The following VRK2 variants were observed in gnomAD, a reference collection of about 807,000 sequenced individuals.
The protein encoded by VRK2 is VRK serine/threonine kinase 2.
Under a neutral mutation model 57.6 loss-of-function variants are expected in VRK2, and 60 were observed. The ratio of observed to expected loss-of-function variants is 1.04; its 90% CI spans 0.85 to 1.29. The LOEUF (loss-of-function observed/expected upper bound fraction) is 1.29, where lower values mean the gene tolerates loss of function less well. VRK2 is among the 50% of genes most tolerant of loss of function. The probability of loss-of-function intolerance (pLI) is 0.00; values close to 1 mark genes in which losing one functional copy is unlikely to be tolerated. For synonymous variants in VRK2, 231 were observed against 199.2 expected, an observed-to-expected ratio of 1.16 and a Z score of -1.35; for missense variants, 705 against 588.1, an observed-to-expected ratio of 1.20 and a Z score of -2.06.
chr2:58,114,746 G>A (rs1230245517), intron 7 of VRK2, among the ~76,000 whole-genome samples: 2 of 151,966 alleles, frequency 1.3e-5, no homozygotes, highest in African/African-American at 4.9e-5. Context: ...AATAAAGGCT[G>A]GTCTGTTATC....
chr2:58,002,224 T>C (rs1673111486), intron 1 of VRK2, among the ~76,000 whole-genome samples: 1 of 152,230 alleles, frequency 6.6e-6, no homozygotes, highest in African/African-American at 2.4e-5. Flanking sequence ...TTCACGCCTG[T>C]AATCCCAGCA....
At chr2:57,994,278 T>C (rs1572754394) in intron 1 of VRK2, among the ~76,000 whole-genome samples, 1 of 152,174 alleles carries the variant, frequency 6.6e-6, no homozygotes, top group Non-Finnish European at 1.5e-5. Flanking sequence ...CCTTTACTAA[T>C]GGAGAGGGAA....
At chr2:58,013,593 C>A (rs187093409) in intron 1 of VRK2, among the ~76,000 whole-genome samples, 55 of 152,158 alleles carry the variant, frequency 3.6e-4, no homozygotes, top group African/African-American at 1.3e-3. Flanking sequence ...GATACAGGGC[C>A]GGGCGCGGTG....
intron 12 of VRK2, among the ~76,000 whole-genome samples, chr2:58,156,819 A>G (rs1193409607): frequency 6.6e-6 from 1 of 152,110 alleles, no homozygotes; most frequent in Non-Finnish European, 1.5e-5. Context: ...TTGTTTGATA[A>G]TTGTACCATC....
intron 7 of VRK2, among the ~76,000 whole-genome samples, chr2:58,116,137 C>T (rs1324683088): frequency 2.0e-5 from 3 of 152,060 alleles, no homozygotes; most frequent in South Asian, 4.1e-4. Flanking sequence ...GGCTTTAATC[C>T]TTTTAAAGCA....
intron 9 of VRK2, among the ~76,000 whole-genome samples, chr2:58,134,227 C>T (rs954902348): frequency 3.3e-5 from 5 of 152,158 alleles, no homozygotes; most frequent in African/African-American, 1.2e-4. Flanking sequence ...AGGCATTAAA[C>T]TTAGGAAGGT....
At chr2:58,158,674 GA>G (rs1684418277) in intron 12 of VRK2, among the ~76,000 whole-genome samples, 1 of 152,170 alleles carries the variant, frequency 6.6e-6, no homozygotes, top group African/African-American at 2.4e-5. Flanking sequence ...GTTAAGTGGT[GA>G]TCAGGAAACT....
At chr2:58,115,718 G>A (rs1360477810) in intron 7 of VRK2, among the ~76,000 whole-genome samples, 1 of 151,998 alleles carries the variant, frequency 6.6e-6, no homozygotes, top group Non-Finnish European at 1.5e-5. Context: ...TGAGAATTAT[G>A]CCAAGATAGG....
intron 7 of VRK2, among the ~76,000 whole-genome samples, chr2:58,090,541 A>G (rs1173151189): frequency 1.3e-5 from 2 of 152,170 alleles, no homozygotes; most frequent in Non-Finnish European, 2.9e-5. Context: ...TCAGTACAGT[A>G]CCAACTGCTG....
chr2:58,071,811 T>C (rs1426685540), intron 2 of VRK2, among the ~76,000 whole-genome samples: 1 of 152,064 alleles, frequency 6.6e-6, no homozygotes, highest in Non-Finnish European at 1.5e-5. Context: ...TTTGTTGATA[T>C]CCACAACATA....
At chr2:58,145,139 T>C (rs1045000769) in intron 11 of VRK2, among the ~76,000 whole-genome samples, 1 of 152,036 alleles carries the variant, frequency 6.6e-6, no homozygotes, top group African/African-American at 2.4e-5. Flanking sequence ...TATAAGGACC[T>C]TCGCTGTAGC....
upstream of VRK2, chr2:58,046,676 T>C (rs374288200): frequency 5.1e-5 from 50 of 985,530 alleles, no homozygotes; most frequent in African/African-American, 7.8e-4. Flanking sequence ...GGCTGCGGCC[T>C]GTGTGAGGCT....
At position 58,088,985 on chromosome 2, in the gene VRK2, A is replaced by C. The variant is rs143118114; in HGVS notation, c.450+539A>C. 8.0e-3 allele frequency among the ~76,000 whole-genome samples: 1,212 copies of C among 152,320 alleles called. 7 individuals carry two copies. Among genetic ancestry groups the C allele is most frequent in the Middle Eastern group, 0.024 (7 of 294 alleles). On this transcript the variant is annotated intron_variant, in intron 6 of 12. Coordinates refer to ENST00000340157, the MANE Select transcript of VRK2 (RefSeq NM_006296.7). Reference sequence around the variant, plus strand: ...TTATATGTTTGTATTTGGTTTGTTTAAGTCTCATTTTTTCACTTTTGAGTA... The same window carrying C: ...TTATATGTTTGTATTTGGTTTGTTTCAGTCTCATTTTTTCACTTTTGAGTA...
chr2:58,003,407 A>T (rs60751582), intron 1 of VRK2, among the ~76,000 whole-genome samples: 3,655 of 152,206 alleles, frequency 0.024, 146 homozygotes, highest in African/African-American at 0.083. Context: ...CACCGGGAAA[A>T]TTATTTTATG....
chr2:58,090,892 A>C (rs1292080883), intron 7 of VRK2, among the ~76,000 whole-genome samples: 1 of 152,206 alleles, frequency 6.6e-6, no homozygotes, highest in Non-Finnish European at 1.5e-5. Context: ...TGAACTTTTC[A>C]GCCATGAAAA....
intron 1 of VRK2, among the ~76,000 whole-genome samples, chr2:57,988,161 A>G (rs1388875174): frequency 2.0e-5 from 3 of 152,240 alleles, no homozygotes; most frequent in Non-Finnish European, 4.4e-5. Flanking sequence ...TAGGTAAATT[A>G]TAATTAAAAG....
intron 2 of VRK2, among the ~76,000 whole-genome samples, chr2:58,051,146 A>C (rs868440890): frequency 3.3e-4 from 50 of 152,170 alleles, no homozygotes; most frequent in African/African-American, 1.2e-3. Context: ...TGCCCAGCCT[A>C]CTTATTTTTT....
intron 1 of VRK2, among the ~76,000 whole-genome samples, chr2:57,994,722 C>T (rs1356100366): frequency 1.3e-5 from 2 of 151,530 alleles, no homozygotes; most frequent in African/African-American, 4.9e-5. Flanking sequence ...TTATATCTTT[C>T]AATATTTGCT....
chr2:58,085,065 G>A (rs1671431110), intron 4 of VRK2, 115 bp downstream of exon 4: 4 of 898,866 alleles, frequency 4.5e-6, no homozygotes, highest in South Asian at 3.8e-5. Context: ...AAATTTTATT[G>A]TAAAGTGATA....
Sources: gnomAD v4.1 joint callset for allele counts (sites outside exome capture counted in the v4.1 genomes callset) on GRCh38, gnomAD v4.1.1 for gene constraint, MANE v1.5 for transcripts, NCBI Gene and HGNC (gene_info 2026-07-23, HGNC 2026-07-21) for gene names.